The following ARID5B variants were observed in gnomAD, a reference collection of about 807,000 sequenced individuals.
The protein encoded by ARID5B is AT-rich interactive domain-containing protein 5B.
A neutral mutation model predicts 97.2 loss-of-function variants in ARID5B; 13 were observed. The observed-to-expected ratio is 0.13, with a 90% CI of 0.09 to 0.21. ARID5B has a LOEUF of 0.21. Among genes scored for constraint, ARID5B ranks in the 10% least tolerant of loss-of-function variants. The probability of loss-of-function intolerance (pLI) is 1.00; values close to 1 mark genes in which losing one functional copy is unlikely to be tolerated. For synonymous variants in ARID5B, 556 were observed against 570.3 expected (o/e 0.97, Z 0.36); for missense variants, 1,210 against 1,465.3 (o/e 0.83, Z 2.84).
At chr10:62,063,302 T>G (rs767381026) in intron 7 of ARID5B, among the ~76,000 whole-genome samples, 1 of 152,168 alleles carries the variant, frequency 6.6e-6, no homozygotes, top group Non-Finnish European at 1.5e-5. Flanking sequence ...AGTAAAAAAC[T>G]GCAAGTATAA....
intron 7 of ARID5B, among the ~76,000 whole-genome samples, chr10:62,060,780 G>A (rs948538178): frequency 6.6e-6 from 1 of 152,168 alleles, no homozygotes. Flanking sequence ...ACTGCAGATA[G>A]TTATATGATA....
chr10:61,909,318 G>GTTTTTTTTT lies in ARID5B; in HGVS notation c.276+6922_276+6930dup, dbSNP rs777612375. ...TGCAATATTTAGTGCTATTCAGTGA[G>GTTTTTTTTT]TTTTTTTTTTTTTTTTTTTTTTTTT... is the stretch of plus-strand genomic sequence containing the variant. On this transcript the variant is annotated intron_variant, in intron 2 of 9. Transcript: ENST00000279873. 1.3e-3 allele frequency among the ~76,000 whole-genome samples: 99 copies of GTTTTTTTTT among 77,244 alleles called. 5 individuals carry two copies. The highest frequency in any genetic ancestry group is 1.5e-3 in the Non-Finnish European group (65 of 42,676). The allele number at this position is 77,244 out of a possible 152,430, so 50.7% of individuals were successfully genotyped here. A position where few individuals can be genotyped will look rare whatever the true frequency, so the allele number is the denominator to read the frequency against.
At chr10:61,967,054 G>T (rs1183690066) in intron 3 of ARID5B, among the ~76,000 whole-genome samples, 1 of 151,878 alleles carries the variant, frequency 6.6e-6, no homozygotes, top group Admixed American at 6.6e-5. Flanking sequence ...ATGTAAGATT[G>T]CATTTTCCGT....
At chr10:62,050,299 C>T (rs541215861) in intron 4 of ARID5B, among the ~76,000 whole-genome samples, 2 of 152,312 alleles carry the variant, frequency 1.3e-5, no homozygotes, top group South Asian at 2.1e-4. Context: ...AGATTTGAAA[C>T]TTGCTGGTTG....
intron 8 of ARID5B, among the ~76,000 whole-genome samples, chr10:62,072,438 G>A (rs1840077588): frequency 6.6e-6 from 1 of 152,222 alleles, no homozygotes; most frequent in African/African-American, 2.4e-5. Flanking sequence ...AAAGGGATGT[G>A]TAATTTACAG....
At position 61,936,683 on chromosome 10, in the gene ARID5B, G is replaced by GC. The variant is rs1844306370; in HGVS notation, c.277-3498dup. On this transcript the variant is annotated intron_variant, in intron 2 of 9. Coordinates refer to ENST00000279873, the MANE Select transcript of ARID5B (RefSeq NM_032199.3). The stretch of plus-strand genomic sequence containing the variant: ...GAACCATCTAAAATCATCTCTGCAT[G>GC]CCACGGTTTGGAAAACACCAATTTA... 2.0e-5 allele frequency among the ~76,000 whole-genome samples: 3 copies of GC among 152,118 alleles called. No homozygotes were observed. The South Asian group carries it at 6.2e-4, about 32-fold the overall frequency.
chr10:62,011,748 T>C (rs560229765), intron 4 of ARID5B, among the ~76,000 whole-genome samples: 52 of 152,220 alleles, frequency 3.4e-4, no homozygotes, highest in South Asian at 1.2e-3. Context: ...CACCAGGAAG[T>C]TGAAGAAACT....
chr10:62,078,467 A>C (rs915677123), intron 8 of ARID5B, among the ~76,000 whole-genome samples: 1 of 152,234 alleles, frequency 6.6e-6, no homozygotes, highest in African/African-American at 2.4e-5. Flanking sequence ...TCTCAAAACA[A>C]AACAGTATTG....
chr10:61,931,719 G>A (rs1844213394), intron 2 of ARID5B, among the ~76,000 whole-genome samples: 1 of 152,172 alleles, frequency 6.6e-6, no homozygotes, highest in South Asian at 2.1e-4. Context: ...TGGTGAGTTA[G>A]CACCTGAAGA....
chr10:61,967,946 T>C (rs1173371654), intron 3 of ARID5B, among the ~76,000 whole-genome samples: 1 of 151,998 alleles, frequency 6.6e-6, no homozygotes, highest in Non-Finnish European at 1.5e-5. Context: ...ACATTCTTAT[T>C]TTTCTTGGTT....
chr10:61,908,266 T>C (rs1312493702), intron 2 of ARID5B, among the ~76,000 whole-genome samples: 1 of 152,190 alleles, frequency 6.6e-6, no homozygotes, highest in Non-Finnish European at 1.5e-5. Flanking sequence ...AGATGCAAAA[T>C]AGTTTGCGAT....
chr10:62,088,136 A>G (rs10761607), intron 9 of ARID5B, among the ~76,000 whole-genome samples: 131,624 of 151,804 alleles, frequency 0.87, 57,161 homozygotes, highest in Middle Eastern at 0.95. Flanking sequence ...CAACGTGCTG[A>G]GATTACAGGT....
chr10:61,964,331 C>T (rs1031620174), intron 3 of ARID5B, among the ~76,000 whole-genome samples: 1 of 152,112 alleles, frequency 6.6e-6, no homozygotes, highest in South Asian at 2.1e-4. Flanking sequence ...GGACGTCTCT[C>T]AGTATTTTAA....
At position 62,094,111 on chromosome 10, in the gene ARID5B, CAG is replaced by C. The variant is rs1005835815; in HGVS notation, c.*1084_*1085del. 1 of 233,402 alleles carries C rather than the reference CAG, an allele frequency of 4.3e-6. No homozygotes were observed. The highest frequency in any genetic ancestry group is 2.2e-5 in the African/African-American group (1 of 45,340). The allele number at this position is 233,402 out of a possible 1,614,324, so 14.5% of individuals were successfully genotyped here. On this transcript the variant is annotated 3_prime_UTR_variant, in exon 10 of 10. Transcript: ENST00000279873. ...CTGGCAGCAAGCTGCCGAATAACAA[CAG>C]AGTCTAGAGGACATATTTGTGGGCT...
chr10:62,033,714 C>T (rs1839525934), intron 4 of ARID5B, among the ~76,000 whole-genome samples: 1 of 152,138 alleles, frequency 6.6e-6, no homozygotes, highest in Non-Finnish European at 1.5e-5. Flanking sequence ...ATGGTATTCA[C>T]CATTTATTAG....
chr10:61,992,084 C>T lies in ARID5B; in HGVS notation c.503-8007C>T, dbSNP rs141083138. 6.1e-4 allele frequency among the ~76,000 whole-genome samples: 92 copies of T among 151,988 alleles called. 2 individuals carry two copies. The East Asian group carries it at 0.016, about 26-fold the overall frequency. ...TCTAGCCAAAGTTTAACCCATGTGACGGGGAAGCAAGTTAAGGTAAGTCAG... is the reference window on the plus strand; with the variant it reads ...TCTAGCCAAAGTTTAACCCATGTGATGGGGAAGCAAGTTAAGGTAAGTCAG... On this transcript the variant is annotated intron_variant, in intron 3 of 9. Coordinates refer to ENST00000279873, the MANE Select transcript of ARID5B (RefSeq NM_032199.3).
chr10:62,064,151 A>C (rs1839957130), intron 7 of ARID5B, among the ~76,000 whole-genome samples: 1 of 152,214 alleles, frequency 6.6e-6, no homozygotes, highest in Non-Finnish European at 1.5e-5. Flanking sequence ...CTTTGACATC[A>C]AATTCTGGCT....
chr10:61,912,296 T>C (rs920779154), intron 2 of ARID5B, among the ~76,000 whole-genome samples: 1 of 152,210 alleles, frequency 6.6e-6, no homozygotes, highest in Non-Finnish European at 1.5e-5. Flanking sequence ...TACAAACTTT[T>C]AGTTATAAGA....
rs1226920257 is a variant in ARID5B at position 62,095,389 on chromosome 10, G to T, written c.*2359G>T. 3 of 233,326 alleles carry T rather than the reference G, an allele frequency of 1.3e-5. No homozygotes were observed. Among genetic ancestry groups the T allele is most frequent in the Non-Finnish European group, 2.5e-5 (3 of 117,982 alleles). 14.5% of individuals were successfully genotyped at this position (233,326 alleles called of 1,614,324 possible). A position where few individuals can be genotyped will look rare whatever the true frequency, so the allele number is the denominator to read the frequency against. ...CGTGTCTCAAAAAAAAAAGGAGGGG[G>T]GGCATCTGTCCCCGGTGGAGCTCAC... On this transcript the variant is annotated 3_prime_UTR_variant, in exon 10 of 10. Transcript: ENST00000279873.
Sources: allele counts gnomAD v4.1 joint callset (sites outside exome capture counted in the v4.1 genomes callset), GRCh38; gene constraint gnomAD v4.1.1; transcripts MANE v1.5; gene names NCBI Gene and HGNC (gene_info 2026-07-23, HGNC 2026-07-21).